CDH10: variants seen among roughly 807,000 people sequenced by gnomAD.
CDH10 encodes the protein cadherin 10.
In CDH10, 30 loss-of-function variants were observed where a neutral mutation model predicts 73.1. The observed-to-expected ratio is 0.41, with a 90% confidence interval of 0.31 to 0.56. The LOEUF (loss-of-function observed/expected upper bound fraction) is 0.56. CDH10 is among the 20% of genes least tolerant of loss of function. The pLI is 0.27. For synonymous variants in CDH10, 345 were observed against 348.2 expected (o/e 0.99, Z 0.10); for missense variants, 815 against 973.7 (o/e 0.84, Z 2.17).
intron 1 of CDH10, among the ~76,000 whole-genome samples, chr5:24,615,871 A>G (rs1316662991): frequency 1.3e-5 from 2 of 152,174 alleles, no homozygotes; most frequent in Non-Finnish European, 2.9e-5. Flanking sequence ...ACTGTGATCA[A>G]CCTTAGTAGG....
At chr5:24,556,921 ATTAC>A (rs1354207710) in intron 2 of CDH10, among the ~76,000 whole-genome samples, 1 of 151,634 alleles carries the variant, frequency 6.6e-6, no homozygotes, top group African/African-American at 2.4e-5. Context: ...TATATTCCCA[ATTAC>A]TTCAAATTTT....
rs143919453 is a variant in CDH10, at chr5:24,632,176, T to C, written c.-124+12418A>G. ...TTTGGGTTGTTTCTTGGTTTTTACT[T>C]ACTTTGGGAGGTGCTTTCATATGCT... On this transcript the variant is annotated intron_variant, in intron 1 of 11. Transcript: ENST00000264463. 4.2e-3 allele frequency among the ~76,000 whole-genome samples: 637 copies of C among 152,188 alleles called. 2 individuals carry two copies. The highest frequency in any genetic ancestry group is 7.2e-3 in the Non-Finnish European group (492 of 67,980).
At chr5:24,548,230 C>G (rs1219932694) in intron 2 of CDH10, among the ~76,000 whole-genome samples, 1 of 151,944 alleles carries the variant, frequency 6.6e-6, no homozygotes, top group African/African-American at 2.4e-5. Context: ...CAGCTTCAAG[C>G]GATTCTCCTG....
chr5:24,639,585 G>C (rs1747977352), intron 1 of CDH10, among the ~76,000 whole-genome samples: 1 of 151,520 alleles, frequency 6.6e-6, no homozygotes, highest in African/African-American at 2.4e-5. Flanking sequence ...TATTGTTACA[G>C]TTTCTGTTTC....
At chr5:24,594,647 T>A (rs1366085030) in intron 1 of CDH10, among the ~76,000 whole-genome samples, 1 of 151,934 alleles carries the variant, frequency 6.6e-6, no homozygotes, top group Non-Finnish European at 1.5e-5. Context: ...GCTCCCTTCC[T>A]TAACCAGCAA....
intron 1 of CDH10, among the ~76,000 whole-genome samples, chr5:24,627,697 C>A (rs1173388021): frequency 6.6e-6 from 1 of 152,124 alleles, no homozygotes; most frequent in Non-Finnish European, 1.5e-5. Flanking sequence ...GCAAATCACT[C>A]TGTACATTGT....
intron 3 of CDH10, among the ~76,000 whole-genome samples, chr5:24,537,174 A>G (rs1419387918): frequency 1.3e-5 from 2 of 151,946 alleles, no homozygotes; most frequent in Non-Finnish European, 2.9e-5. Flanking sequence ...ACCTATATGT[A>G]TTATAAAGAT....
chr5:24,603,763 T>C (rs573761309), intron 1 of CDH10, among the ~76,000 whole-genome samples: 2 of 152,042 alleles, frequency 1.3e-5, no homozygotes, highest in African/African-American at 2.4e-5. Context: ...CGGAACAAAG[T>C]GTAGATAAGA....
At chr5:24,511,735 C>T (rs1200261112) in intron 5 of CDH10, among the ~76,000 whole-genome samples, 1 of 152,098 alleles carries the variant, frequency 6.6e-6, no homozygotes, top group Non-Finnish European at 1.5e-5. Flanking sequence ...TTTGTCTGCA[C>T]ATATTATGAA....
intron 1 of CDH10, among the ~76,000 whole-genome samples, chr5:24,641,084 A>G (rs1748035555): frequency 6.6e-6 from 1 of 151,972 alleles, no homozygotes; most frequent in Non-Finnish European, 1.5e-5. Context: ...ATGTGTCTAC[A>G]GTTAGTTCAA....
At chr5:24,509,240 C>CTTTTTTTTTT (rs35903930) in intron 7 of CDH10, among the ~76,000 whole-genome samples, 9 of 85,320 alleles carry the variant, frequency 1.1e-4, no homozygotes, top group East Asian at 3.9e-4. Flanking sequence ...CTCCTTTTTC[C>CTTTTTTTTTT]TTTTTTTTTT....
intron 2 of CDH10, among the ~76,000 whole-genome samples, chr5:24,553,576 C>A (rs1579799206): frequency 6.6e-6 from 1 of 152,026 alleles, no homozygotes; most frequent in East Asian, 1.9e-4. Flanking sequence ...ATGATTTGTA[C>A]AAAATTTTAA....
At chr5:24,497,029 T>C (rs142591224) in intron 9 of CDH10, among the ~76,000 whole-genome samples, 31 of 152,266 alleles carry the variant, frequency 2.0e-4, no homozygotes, top group Non-Finnish European at 4.0e-4. Context: ...AATTCCCTTT[T>C]TATTGAAATC....
At chr5:24,503,197 G>C (rs1211373025) in intron 8 of CDH10, among the ~76,000 whole-genome samples, 1 of 152,110 alleles carries the variant, frequency 6.6e-6, no homozygotes, top group Non-Finnish European at 1.5e-5. Flanking sequence ...GCCTGTAGTG[G>C]TTACTTCAAA....
chr5:24,504,514 T>G (rs1436816438), intron 8 of CDH10, among the ~76,000 whole-genome samples: 895 of 26,642 alleles, frequency 0.034, 220 homozygotes, highest in South Asian at 0.066. Flanking sequence ...ATCTTTTTTT[T>G]TTTTTTTTTT....
intron 8 of CDH10, 81 bp downstream of exon 8, chr5:24,505,031 C>T (rs1742654760): frequency 5.2e-6 from 5 of 962,776 alleles, no homozygotes; most frequent in Non-Finnish European, 7.7e-6. Flanking sequence ...AAAATAAAAC[C>T]TATAAAATAT....
chr5:24,604,509 C>T (rs572616487), intron 1 of CDH10, among the ~76,000 whole-genome samples: 1 of 152,052 alleles, frequency 6.6e-6, no homozygotes, highest in African/African-American at 2.4e-5. Context: ...AAGAAAAAAA[C>T]TGACAAATTG....
chr5:24,556,028 T>C (rs1579802970), intron 2 of CDH10, among the ~76,000 whole-genome samples: 1 of 152,118 alleles, frequency 6.6e-6, no homozygotes, highest in Admixed American at 6.6e-5. Context: ...CAGAGGTGGG[T>C]GTAAAGGCAA....
rs185727328 is a variant in CDH10, at chr5:24,641,435, A to G, written c.-124+3159T>C. Among the ~76,000 whole-genome samples the G allele has an allele frequency of 3.2e-3, 492 of 152,180 alleles. 3 individuals are homozygous for G. Among genetic ancestry groups the G allele is most frequent in the Non-Finnish European group, 4.0e-3 (273 of 67,946 alleles). ...TCCGTGAATATCATCCAAAGGTTTC[A>G]ACTAGAAAGGAAAAAGGCAGATTTT... On this transcript the variant is annotated intron_variant, in intron 1 of 11. Coordinates refer to ENST00000264463, the MANE Select transcript of CDH10 (RefSeq NM_006727.5).
Sources: gnomAD v4.1 joint callset for allele counts (sites outside exome capture counted in the v4.1 genomes callset) on GRCh38, gnomAD v4.1.1 for gene constraint, MANE v1.5 for transcripts, NCBI Gene and HGNC (gene_info 2026-07-23, HGNC 2026-07-21) for gene names.